Variants in TRIP12 observed in about 807,000 individuals in gnomAD.
TRIP12 encodes the protein thyroid hormone receptor interactor 12.
Under a neutral mutation model 244.2 loss-of-function variants are expected in TRIP12, and 25 were observed. The observed-to-expected ratio is 0.10, with a 90% CI of 0.07 to 0.14. The LOEUF (loss-of-function observed/expected upper bound fraction) is 0.14, where lower values mean the gene tolerates loss of function less well. Ranked by LOEUF, TRIP12 falls within the 10% of genes least tolerant of loss-of-function variation. The pLI is 1.00. For synonymous variants in TRIP12, 905 were observed against 873.1 expected (o/e 1.04, Z -0.64); for missense variants, 1,677 against 2,486.4 (o/e 0.67, Z 6.92).
At chr2:229,796,155 T>C (rs374132620) in intron 25 of TRIP12, among the ~76,000 whole-genome samples, 1 of 152,346 alleles carries the variant, frequency 6.6e-6, no homozygotes, top group East Asian at 1.9e-4. Flanking sequence ...TAAATGGTCA[T>C]TAAGCGCCCT....
intron 1 of TRIP12, among the ~76,000 whole-genome samples, chr2:229,890,255 T>C (rs997651301): frequency 2.6e-5 from 4 of 151,938 alleles, no homozygotes; most frequent in Non-Finnish European, 5.9e-5. Flanking sequence ...AATTTTTGTA[T>C]TTTTAGTAGA....
At position 229,851,536 on chromosome 2, in the gene TRIP12, T is replaced by C. The variant is rs550235421; in HGVS notation, c.1027+7236A>G. 3.3e-4 allele frequency among the ~76,000 whole-genome samples: 51 copies of C among 152,246 alleles called. No individual in the cohort carries two copies. The East Asian group carries it at 8.3e-3, about 25-fold the overall frequency. On this transcript the variant is annotated intron_variant, in intron 4 of 41. Transcript: ENST00000675903. ...AAAAGCAGGCTGCCCGAGCCAGCAG[T>C]GGCAACCCGCTCGGGTCCCCTTCCA...
At chr2:229,864,967 T>C (rs2061245320) in intron 2 of TRIP12, among the ~76,000 whole-genome samples, 1 of 152,118 alleles carries the variant, frequency 6.6e-6, no homozygotes, top group Non-Finnish European at 1.5e-5. Context: ...TTAAAAACCA[T>C]CTCTAGTCCA....
chr2:229,861,312 G>T (rs548617180), intron 2 of TRIP12, among the ~76,000 whole-genome samples: 4 of 152,262 alleles, frequency 2.6e-5, no homozygotes, highest in Admixed American at 6.5e-5. Flanking sequence ...TTTTCAGTTA[G>T]ATTATTTTTT....
At chr2:229,796,945 AACACAC>A (rs58071278) in intron 24 of TRIP12, among the ~76,000 whole-genome samples, 163 bp from the exon 25 acceptor site, 2 of 151,456 alleles carry the variant, frequency 1.3e-5, no homozygotes, top group East Asian at 1.9e-4. Context: ...TATGATTTTA[AACACAC>A]ACACACACAC....
chr2:229,851,585 T>G (rs1292700812), intron 4 of TRIP12, among the ~76,000 whole-genome samples: 1 of 152,108 alleles, frequency 6.6e-6, no homozygotes, highest in Non-Finnish European at 1.5e-5. Flanking sequence ...GTTCTTTCAC[T>G]CTTTGCAATA....
intron 4 of TRIP12, among the ~76,000 whole-genome samples, chr2:229,851,869 T>C (rs1347872982): frequency 6.6e-6 from 1 of 152,170 alleles, no homozygotes; most frequent in African/African-American, 2.4e-5. Flanking sequence ...TTAAGAGCTG[T>C]AACACTCACC....
chr2:229,830,766 T>C lies in TRIP12; in HGVS notation c.1344A>G (p.Gly448=). 1 of 1,614,010 alleles carries C rather than the reference T, an allele frequency of 6.2e-7. No individual in the cohort carries two copies. The highest frequency in any genetic ancestry group is 1.1e-5 in the South Asian group (1 of 91,066). ...AATAACTGTTTTTACCTTGCAAACG[T>C]CCCATCTCGGAATCATCTGATTCAC... The part of the protein sequence containing the change: ...GESESDDSEM[G]RLQALLEARG... Residue 448 remains glycine (G), a synonymous_variant, in exon 7 of 42, where the codon GGA becomes GGG. Transcript: ENST00000675903.
At chr2:229,855,614 AAAAAAAAAAAG>A (rs1237456652) in intron 4 of TRIP12, among the ~76,000 whole-genome samples, 7 of 123,004 alleles carry the variant, frequency 5.7e-5, no homozygotes, top group South Asian at 3.2e-4. Context: ...AAAAAAAAAA[AAAAAAAAAAAG>A]AGAAAAGAAA....
intron 6 of TRIP12, among the ~76,000 whole-genome samples, chr2:229,832,707 G>T (rs1286867973): frequency 6.6e-6 from 1 of 152,216 alleles, no homozygotes; most frequent in East Asian, 1.9e-4. Flanking sequence ...AGTTATGGCT[G>T]AGAGATCTGA....
chr2:229,850,713 T>G (rs1048296976), intron 4 of TRIP12, among the ~76,000 whole-genome samples: 2 of 152,086 alleles, frequency 1.3e-5, no homozygotes, highest in East Asian at 3.9e-4. Context: ...CAGGGAGGTG[T>G]GGAGGGAGAG....
chr2:229,774,409 T>A, intron 37 of TRIP12, 148 bp from the exon 38 acceptor site: 1 of 763,104 alleles, frequency 1.3e-6, no homozygotes, highest in Non-Finnish European at 2.0e-6. Context: ...TTCCTGGTCA[T>A]AATCTACATA....
chr2:229,807,304 T>C (rs556647176), intron 17 of TRIP12: 50 of 215,468 alleles, frequency 2.3e-4, no homozygotes, highest in Admixed American at 9.9e-4. Context: ...GGCTATTTCA[T>C]TTGTTTCCAC....
intron 1 of TRIP12, among the ~76,000 whole-genome samples, chr2:229,920,626 G>C (rs1188790295): frequency 6.6e-6 from 1 of 152,076 alleles, no homozygotes; most frequent in Non-Finnish European, 1.5e-5. Flanking sequence ...TTGTCTTAAG[G>C]GTTTGGAAGC....
intron 41 of TRIP12, 39 bp downstream of exon 41, chr2:229,768,577 A>ATAGG (rs1278310085): frequency 1.9e-6 from 3 of 1,593,474 alleles, no homozygotes; most frequent in Non-Finnish European, 2.6e-6. Context: ...AAACCCACCC[A>ATAGG]TAGGTAGAAT....
chr2:229,849,660 T>A (rs930149930), intron 4 of TRIP12, among the ~76,000 whole-genome samples: 4 of 151,860 alleles, frequency 2.6e-5, no homozygotes, highest in Non-Finnish European at 4.4e-5. Flanking sequence ...TCCAGGAGTT[T>A]GAGACGAACC....
intron 5 of TRIP12, among the ~76,000 whole-genome samples, chr2:229,839,778 G>A (rs1001134737): frequency 5.9e-5 from 9 of 152,062 alleles, no homozygotes; most frequent in Admixed American, 3.3e-4. Context: ...CTGACTAACC[G>A]ACCAAGCCTG....
intron 5 of TRIP12, among the ~76,000 whole-genome samples, chr2:229,837,400 T>A (rs1247824734): frequency 6.6e-6 from 1 of 152,088 alleles, no homozygotes; most frequent in Non-Finnish European, 1.5e-5. Context: ...TTTGGGAGGC[T>A]GAGGCAGGTG....
chr2:229,831,244 G>A (rs2053276420), intron 6 of TRIP12: 1 of 664,484 alleles, frequency 1.5e-6, no homozygotes, highest in Non-Finnish European at 2.7e-6. Context: ...ATAGACATTT[G>A]GGGGAAATGT....
Sources: gnomAD v4.1 joint callset for allele counts (sites outside exome capture counted in the v4.1 genomes callset) on GRCh38, gnomAD v4.1.1 for gene constraint, MANE v1.5 for transcripts, NCBI Gene and HGNC (gene_info 2026-07-23, HGNC 2026-07-21) for gene names.